Variants in ATXN7L1 observed in about 807,000 individuals in gnomAD.
ATXN7L1 encodes the protein ataxin-7-like protein 1.
Under a neutral mutation model 70.8 loss-of-function variants are expected in ATXN7L1, and 15 were observed. The ratio of observed to expected loss-of-function variants is 0.21; its 90% CI spans 0.14 to 0.33. The LOEUF is 0.33. Ranked by LOEUF, ATXN7L1 falls within the 10% of genes least tolerant of loss-of-function variation. The pLI, the probability that ATXN7L1 is intolerant of heterozygous loss-of-function variation, is 1.00. For synonymous variants in ATXN7L1, 440 were observed against 445.1 expected, an observed-to-expected ratio of 0.99 and a Z score of 0.14; for missense variants, 975 against 1,097.1, an observed-to-expected ratio of 0.89 and a Z score of 1.57.
intron 3 of ATXN7L1, among the ~76,000 whole-genome samples, chr7:105,710,659 C>A (rs1041997067): frequency 7.3e-6 from 1 of 137,382 alleles, no homozygotes; most frequent in Non-Finnish European, 1.7e-5. Flanking sequence ...GATCCACCCA[C>A]CTCGGCCTCC....
At chr7:105,743,494 A>T (rs1347041926) in intron 3 of ATXN7L1, among the ~76,000 whole-genome samples, 1 of 152,196 alleles carries the variant, frequency 6.6e-6, no homozygotes, top group Non-Finnish European at 1.5e-5. Flanking sequence ...ACAGGACTCT[A>T]ACAATCACTG....
At chr7:105,742,824 A>G (rs933104120) in intron 3 of ATXN7L1, among the ~76,000 whole-genome samples, 9 of 152,304 alleles carry the variant, frequency 5.9e-5, no homozygotes, top group African/African-American at 2.2e-4. Context: ...CCCACTTCCC[A>G]AACACATACG....
intron 3 of ATXN7L1, among the ~76,000 whole-genome samples, chr7:105,777,661 C>T (rs185436314): frequency 1.3e-5 from 2 of 152,350 alleles, no homozygotes; most frequent in East Asian, 1.9e-4. Context: ...TCCATCTCCA[C>T]GGCTACCACG....
chr7:105,871,289 T>G (rs139756952), intron 2 of ATXN7L1, among the ~76,000 whole-genome samples: 1 of 152,132 alleles, frequency 6.6e-6, no homozygotes, highest in Admixed American at 6.5e-5. Context: ...TAGATCAAAA[T>G]GTAGGAAGCT....
intron 2 of ATXN7L1, among the ~76,000 whole-genome samples, chr7:105,823,649 C>A (rs1810464813): frequency 6.6e-6 from 1 of 152,172 alleles, no homozygotes; most frequent in African/African-American, 2.4e-5. Context: ...TCAATTTTAT[C>A]TTTTCTCTTG....
chr7:105,759,405 C>T (rs1215278146), intron 3 of ATXN7L1, among the ~76,000 whole-genome samples: 1 of 151,046 alleles, frequency 6.6e-6, no homozygotes, highest in East Asian at 2.0e-4. Flanking sequence ...TAAACCTCCT[C>T]GCTGGAGGAG....
rs374703384 is a variant in ATXN7L1 at position 105,741,000 on chromosome 7, G to A, written c.355+47604C>T. On this transcript the variant is annotated intron_variant, in intron 3 of 11. Coordinates refer to ENST00000419735, the MANE Select transcript of ATXN7L1 (RefSeq NM_020725.2). ...AGGATGGTCTCGATCTCCTGACCTC[G>A]TGATCTGCCCGCCTCGGCCTCCCAA... Among the ~76,000 whole-genome samples, 131 of 152,014 alleles carry A rather than the reference G, an allele frequency of 8.6e-4. No individual in the cohort carries two copies. In the South Asian group the frequency reaches 0.025, roughly 29 times the overall value.
chr7:105,609,897 G>A (rs537316531), intron 11 of ATXN7L1, among the ~76,000 whole-genome samples: 7 of 93,612 alleles, frequency 7.5e-5, no homozygotes, highest in Non-Finnish European at 1.9e-4. Flanking sequence ...TCAGCCTCCC[G>A]AGTAGCTGGG....
intron 3 of ATXN7L1, among the ~76,000 whole-genome samples, chr7:105,714,665 G>T (rs11763057): frequency 3.2e-5 from 4 of 125,958 alleles, no homozygotes; most frequent in Admixed American, 1.6e-4. Flanking sequence ...TTCTGTTTTT[G>T]TTTTTGTTTT....
intron 3 of ATXN7L1, among the ~76,000 whole-genome samples, chr7:105,746,421 C>T (rs1798594113): frequency 6.6e-6 from 1 of 152,216 alleles, no homozygotes. Context: ...ACACTTCAGG[C>T]ATCTCATCCC....
chr7:105,872,763 T>C (rs1818452522), intron 2 of ATXN7L1, among the ~76,000 whole-genome samples: 1 of 151,936 alleles, frequency 6.6e-6, no homozygotes, highest in Non-Finnish European at 1.5e-5. Context: ...TGTAATATTA[T>C]GAAAGTACTT....
intron 4 of ATXN7L1, among the ~76,000 whole-genome samples, chr7:105,651,489 T>A (rs1040320083): frequency 3.3e-5 from 5 of 152,086 alleles, no homozygotes; most frequent in African/African-American, 1.2e-4. Flanking sequence ...TCCCTTCTGG[T>A]CCCACCGTGG....
At chr7:105,615,968 G>A (rs565705078) in intron 9 of ATXN7L1, among the ~76,000 whole-genome samples, 7 of 152,302 alleles carry the variant, frequency 4.6e-5, no homozygotes, top group East Asian at 3.9e-4. Flanking sequence ...TCTGGGGACC[G>A]GGAGGAGGCA....
intron 2 of ATXN7L1, among the ~76,000 whole-genome samples, chr7:105,812,777 G>T (rs371316352): frequency 6.6e-6 from 1 of 152,130 alleles, no homozygotes; most frequent in South Asian, 2.1e-4. Context: ...GAGACGGGTG[G>T]GTCACTTGAG....
intron 2 of ATXN7L1, among the ~76,000 whole-genome samples, chr7:105,829,890 A>G (rs1327384990): frequency 2.0e-5 from 3 of 152,218 alleles, no homozygotes; most frequent in African/African-American, 7.2e-5. Flanking sequence ...GTTGTTGCAA[A>G]CTGTGCAAAT....
At chr7:105,767,550 G>T (rs544492043) in intron 3 of ATXN7L1, among the ~76,000 whole-genome samples, 1 of 152,338 alleles carries the variant, frequency 6.6e-6, no homozygotes, top group South Asian at 2.1e-4. Flanking sequence ...GTGCCTTGCT[G>T]TGTTTAAGTG....
chr7:105,691,464 C>T (rs1351750340), intron 3 of ATXN7L1: 1 of 151,778 alleles, frequency 6.6e-6, no homozygotes, highest in Non-Finnish European at 1.5e-5. Flanking sequence ...TTATGCATCC[C>T]CGTTTCTTCA....
chr7:105,635,063 C>T (rs1562929615), intron 7 of ATXN7L1, among the ~76,000 whole-genome samples: 4 of 152,226 alleles, frequency 2.6e-5, no homozygotes, highest in Admixed American at 2.6e-4. Flanking sequence ...CTCCACACTG[C>T]CCTCGTCAGT....
chr7:105,860,827 G>C (rs572633137), intron 2 of ATXN7L1, among the ~76,000 whole-genome samples: 8 of 152,300 alleles, frequency 5.3e-5, no homozygotes, highest in Admixed American at 2.6e-4. Context: ...AGATAACTTA[G>C]GAAAGAAAAG....
Sources: gnomAD v4.1 joint callset for allele counts (sites outside exome capture counted in the v4.1 genomes callset) on GRCh38, gnomAD v4.1.1 for gene constraint, MANE v1.5 for transcripts, NCBI Gene and HGNC (gene_info 2026-07-23, HGNC 2026-07-21) for gene names.